Variants in ARHGEF26 observed in about 807,000 individuals in gnomAD.
The protein encoded by ARHGEF26 is Rho guanine nucleotide exchange factor (GEF) 26.
In ARHGEF26, 59 loss-of-function variants were observed where a neutral mutation model predicts 89.4. The ratio of observed to expected loss-of-function variants is 0.66; its 90% CI spans 0.54 to 0.82. The LOEUF (loss-of-function observed/expected upper bound fraction) is 0.82, where lower values mean the gene tolerates loss of function less well. Ranked by LOEUF, ARHGEF26 falls within the 40% of genes least tolerant of loss-of-function variation. The pLI is 0.00. For missense variants in ARHGEF26, 1,234 were observed against 1,085.6 expected (o/e 1.14, Z -1.92); for synonymous variants, 500 against 428.4 (o/e 1.17, Z -2.06).
intron 11 of ARHGEF26, among the ~76,000 whole-genome samples, chr3:154,232,131 T>G (rs1398472764): frequency 6.6e-6 from 1 of 152,084 alleles, no homozygotes; most frequent in East Asian, 1.9e-4. Context: ...GGAGAGAGCT[T>G]CAGAAAGGTG....
intron 5 of ARHGEF26, among the ~76,000 whole-genome samples, chr3:154,150,523 C>A (rs1466792532): frequency 3.3e-5 from 5 of 152,064 alleles, no homozygotes; most frequent in Admixed American, 3.3e-4. Flanking sequence ...TTACACTCAA[C>A]ATTATTTTTG....
chr3:154,124,772 A>G (rs2108036574), intron 3 of ARHGEF26, among the ~76,000 whole-genome samples: 1 of 152,198 alleles, frequency 6.6e-6, no homozygotes, highest in Non-Finnish European at 1.5e-5. Context: ...AAAAATTCTG[A>G]TTTTGGCATT....
intron 6 of ARHGEF26, among the ~76,000 whole-genome samples, chr3:154,166,422 A>G (rs1222619474): frequency 6.6e-6 from 1 of 152,204 alleles, no homozygotes; most frequent in Non-Finnish European, 1.5e-5. Context: ...ATAGGAAGGT[A>G]ACGTATGAAA....
At chr3:154,178,614 C>T (rs357471) in intron 6 of ARHGEF26, among the ~76,000 whole-genome samples, 138,574 of 152,278 alleles carry the variant, frequency 0.91, 63,264 homozygotes, top group East Asian at 1. Context: ...TGTGAATATA[C>T]CACATTTTAT....
rs1246089522 is a variant in ARHGEF26, at chr3:154,257,219, A to C, written c.*1746A>C. 3.1e-6 allele frequency: 1 copy of C among 318,838 alleles called. No homozygotes were observed. 19.8% of individuals were successfully genotyped at this position (318,838 alleles called of 1,614,324 possible). A position where few individuals can be genotyped will look rare whatever the true frequency, so the allele number is the denominator to read the frequency against. ...GGATTGCTCTTTTTGACCTGTGCAT[A>C]CCTTCTAATTGTAAAATATATTTCA... is the stretch of plus-strand genomic sequence containing the variant. On this transcript the variant is annotated 3_prime_UTR_variant, in exon 15 of 15. Coordinates refer to ENST00000465093, the MANE Select transcript of ARHGEF26 (RefSeq NM_015595.4).
rs543129956 is a variant in ARHGEF26, at chr3:154,169,399, G to A, written c.1487+16467G>A. 5.9e-5 allele frequency among the ~76,000 whole-genome samples: 9 copies of A among 152,050 alleles called. No homozygotes were observed. In the South Asian group the frequency reaches 1.9e-3, roughly 32 times the overall value. The stretch of plus-strand genomic sequence containing the variant: ...AAAAAAAAAATGTGTTTCCTGACAC[G>A]CGTGTTTCCAGCTGAGGTTGAACAA... On this transcript the variant is annotated intron_variant, in intron 6 of 14. Coordinates refer to ENST00000465093, the MANE Select transcript of ARHGEF26 (RefSeq NM_015595.4).
At chr3:154,180,326 G>A (rs1713102478) in intron 6 of ARHGEF26, among the ~76,000 whole-genome samples, 1 of 152,076 alleles carries the variant, frequency 6.6e-6, no homozygotes, top group African/African-American at 2.4e-5. Context: ...GCCTGCCACA[G>A]GGGGCTCTAA....
At chr3:154,220,208 A>G (rs1231594712) in intron 10 of ARHGEF26, among the ~76,000 whole-genome samples, 4 of 152,240 alleles carry the variant, frequency 2.6e-5, no homozygotes, top group Admixed American at 6.5e-5. Context: ...ATCCAAGTAC[A>G]TGGCAAGTAT....
At chr3:154,185,053 CACGTGTCCTT>C (rs1713435475) in intron 6 of ARHGEF26, among the ~76,000 whole-genome samples, 1 of 152,160 alleles carries the variant, frequency 6.6e-6, no homozygotes, top group Non-Finnish European at 1.5e-5. Context: ...ATCCAGCTTA[CACGTGTCCTT>C]ACCTGTGTTT....
intron 4 of ARHGEF26, among the ~76,000 whole-genome samples, chr3:154,144,611 G>T (rs1165415082): frequency 6.6e-6 from 1 of 152,180 alleles, no homozygotes; most frequent in Non-Finnish European, 1.5e-5. Flanking sequence ...TCAGCCTCAT[G>T]TCTGTATTGA....
chr3:154,247,924 A>C lies in ARHGEF26; in HGVS notation c.2301-5192A>C, dbSNP rs149734018. 2.3e-3 allele frequency among the ~76,000 whole-genome samples: 349 copies of C among 152,282 alleles called. 2 individuals are homozygous for C. Among genetic ancestry groups the C allele is most frequent in the African/African-American group, 8.2e-3 (342 of 41,554 alleles). On this transcript the variant is annotated intron_variant, in intron 12 of 14. Coordinates refer to ENST00000465093, the MANE Select transcript of ARHGEF26 (RefSeq NM_015595.4). ...AAGGACAAAGGAAGAATGTTTTACC[A>C]CTGTCATTCTTTTTTCCCTCTGGGC...
intron 12 of ARHGEF26, among the ~76,000 whole-genome samples, chr3:154,248,497 T>A (rs950667802): frequency 2.0e-5 from 3 of 152,150 alleles, no homozygotes; most frequent in Non-Finnish European, 2.9e-5. Flanking sequence ...TATTGTAGGG[T>A]ATAGCATTTT....
In ARHGEF26 at chr3:154,129,479, G is replaced by C. The variant is rs989492694; in HGVS notation, c.1124-95G>C. On this transcript the variant is annotated intron_variant, in intron 3 of 14. Transcript: ENST00000465093. ...TGTTTGTCTCTCTGTTTATAAAATT[G>C]GAGGCCAAACATTGGGTACATATGA... 5 of 1,318,198 alleles carry C rather than the reference G, an allele frequency of 3.8e-6. No homozygotes were observed. In the African/African-American group the frequency reaches 7.4e-5, roughly 20 times the overall value. The allele number at this position is 1,318,198 out of a possible 1,614,324, so 81.7% of individuals were successfully genotyped here.
At chr3:154,179,066 T>A (rs114203590) in intron 6 of ARHGEF26, among the ~76,000 whole-genome samples, 1 of 152,346 alleles carries the variant, frequency 6.6e-6, no homozygotes, top group Admixed American at 6.5e-5. Context: ...CTTGCGTAGA[T>A]GTTTCATTAT....
At chr3:154,234,882 C>T (rs907352299) in intron 11 of ARHGEF26, among the ~76,000 whole-genome samples, 1 of 152,168 alleles carries the variant, frequency 6.6e-6, no homozygotes, top group African/African-American at 2.4e-5. Context: ...TCTTCTGCCT[C>T]AGCCTCCTGA....
At position 154,225,989 on chromosome 3, in the gene ARHGEF26, T is replaced by A; in HGVS notation, c.2069T>A (p.Leu690His). 1.2e-6 allele frequency: 2 copies of A among 1,611,596 alleles called. No individual in the cohort carries two copies. Among genetic ancestry groups the A allele is most frequent in the Non-Finnish European group, 1.7e-6 (2 of 1,179,076 alleles). ...TACTTCTTTCTCTTTAACGATGTGC[T>A]CATTATCACCAAGAAGAAGAGGTAA... ...QVYFFLFNDV[L>H]IITKKKSEES... is the part of the protein sequence containing the mutation. The change falls in exon 11 of 15, where the codon CTC becomes CAC. Residue 690 changes from leucine (L) to histidine (H), a missense_variant. Physicochemically the swap from Leu to His is moderately conservative, Grantham distance 99. Transcript: ENST00000465093.
intron 11 of ARHGEF26, among the ~76,000 whole-genome samples, chr3:154,231,668 A>G (rs988861668): frequency 2.6e-5 from 4 of 152,132 alleles, no homozygotes; most frequent in African/African-American, 9.7e-5. Context: ...TTAAAAAATG[A>G]TTTTAAACCT....
At position 154,124,349 on chromosome 3, in the gene ARHGEF26, C is replaced by T. The variant is rs989695768; in HGVS notation, c.1084-61C>T. ...AAATAGCTGTATTTTCTATTTGGCTCATTCATACATAGTTTGCTTTTCCTT... is the reference window on the plus strand; with the variant it reads ...AAATAGCTGTATTTTCTATTTGGCTTATTCATACATAGTTTGCTTTTCCTT... On this transcript the variant is annotated intron_variant, in intron 2 of 14. Coordinates refer to ENST00000465093, the MANE Select transcript of ARHGEF26 (RefSeq NM_015595.4). 1.6e-5 allele frequency: 17 copies of T among 1,091,110 alleles called. No individual in the cohort carries two copies. In the South Asian group the frequency reaches 2.7e-4, roughly 17 times the overall value. The allele number at this position is 1,091,110 out of a possible 1,614,324, so 67.6% of individuals were successfully genotyped here.
intron 11 of ARHGEF26, among the ~76,000 whole-genome samples, chr3:154,228,705 TG>T (rs1296510444): frequency 6.8e-6 from 1 of 147,540 alleles, no homozygotes; most frequent in Admixed American, 6.9e-5. Context: ...ATGTACACTA[TG>T]CCTGACCGTA....
Sources: allele counts gnomAD v4.1 joint callset (sites outside exome capture counted in the v4.1 genomes callset), GRCh38; gene constraint gnomAD v4.1.1; transcripts MANE v1.5; gene names NCBI Gene and HGNC (gene_info 2026-07-23, HGNC 2026-07-21).